Variants in GLRA2 observed in about 807,000 individuals in gnomAD.
GLRA2 encodes the protein glycine receptor subunit alpha-2.
A neutral mutation model predicts 31.6 loss-of-function variants in GLRA2; 11 were observed. The observed-to-expected ratio is 0.35, with a 90% CI of 0.22 to 0.58. GLRA2 has a LOEUF of 0.58. Among genes scored for constraint, GLRA2 ranks in the 20% least tolerant of loss-of-function variants. GLRA2 has a pLI of 0.84. For missense variants in GLRA2, 212 were observed against 351.8 expected (o/e 0.60, Z 3.18); for synonymous variants, 132 against 134.0 (o/e 0.99, Z 0.10).
chrX:14,531,925 T>C (rs1029308197), intron 1 of GLRA2, among the ~76,000 whole-genome samples: 1 of 111,751 alleles, frequency 8.9e-6, no homozygotes, highest in African/African-American at 3.2e-5. Context: ...ATCTCATTTC[T>C]CTGAATAGTT....
chrX:14,619,847 C>A (rs1340172629), intron 7 of GLRA2, among the ~76,000 whole-genome samples: 1 of 110,890 alleles, frequency 9.0e-6, no homozygotes, highest in East Asian at 2.8e-4. Context: ...CCTTCAATAG[C>A]ATCTAGCTCA....
intron 8 of GLRA2, among the ~76,000 whole-genome samples, chrX:14,715,429 G>T (rs1378134708): frequency 4.5e-5 from 5 of 112,103 alleles, no homozygotes; most frequent in Non-Finnish European, 9.4e-5. Context: ...AATGTAGGAA[G>T]ATTCAGCCAA....
At chrX:14,687,136 C>G (rs770906121) in intron 7 of GLRA2, among the ~76,000 whole-genome samples, 1 of 112,327 alleles carries the variant, frequency 8.9e-6, no homozygotes, top group South Asian at 3.7e-4. Context: ...TTTTTCCCCA[C>G]TCTCTTCTGG....
intron 7 of GLRA2, among the ~76,000 whole-genome samples, chrX:14,647,494 T>A (rs1013017102): frequency 1.9e-4 from 21 of 111,061 alleles, no homozygotes; most frequent in African/African-American, 6.5e-4. Context: ...AGTCTGTGTA[T>A]ACATAAGGCT....
chrX:14,669,871 C>T (rs1023814371), intron 7 of GLRA2, among the ~76,000 whole-genome samples: 2 of 112,458 alleles, frequency 1.8e-5, no homozygotes, highest in Non-Finnish European at 3.8e-5. Flanking sequence ...TTTGGCCCCT[C>T]GACTTATGCA....
chrX:14,464,634 G>A, the GLRA2 span, among the ~76,000 whole-genome samples: 3 of 111,847 alleles, frequency 2.7e-5, no homozygotes, highest in African/African-American at 9.8e-5. Context: ...TCGGCTCACT[G>A]CAACCTCCGC....
intron 5 of GLRA2, 146 bp downstream of exon 5, chrX:14,604,543 AGTGTGTGTGTGTGTGTGT>A (rs377121617): frequency 1.7e-4 from 27 of 161,431 alleles, no homozygotes; most frequent in African/African-American, 2.8e-4. Context: ...GACAAACCAA[AGTGTGTGTGTGTGTGTGT>A]GTGTGTGTGT....
intron 7 of GLRA2, among the ~76,000 whole-genome samples, chrX:14,675,692 C>T (rs2091137952): frequency 9.0e-6 from 1 of 111,549 alleles, no homozygotes; most frequent in African/African-American, 3.3e-5. Flanking sequence ...ATCTGATTTC[C>T]CCAGCATTAA....
At chrX:14,457,181 G>C in the GLRA2 span, among the ~76,000 whole-genome samples, 1 of 110,856 alleles carries the variant, frequency 9.0e-6, no homozygotes, top group Non-Finnish European at 1.9e-5. Flanking sequence ...TTTGAAAAAT[G>C]TCTGTTAAGA....
intron 8 of GLRA2, among the ~76,000 whole-genome samples, chrX:14,701,385 G>T (rs1338161307): frequency 9.0e-6 from 1 of 111,070 alleles, no homozygotes; most frequent in South Asian, 3.8e-4. Flanking sequence ...GCAACCCCTG[G>T]TTCAAAAACA....
chrX:14,499,099 T>C, the GLRA2 span, among the ~76,000 whole-genome samples: 1 of 112,224 alleles, frequency 8.9e-6, no homozygotes, highest in Non-Finnish European at 1.9e-5. Flanking sequence ...CTTTGATACA[T>C]TGATTTCCTT....
the GLRA2 span, among the ~76,000 whole-genome samples, chrX:14,498,676 C>T: frequency 1.2e-3 from 132 of 110,492 alleles, no homozygotes; most frequent in African/African-American, 4.3e-3. Context: ...AAACTATAGC[C>T]GCCCTACTGA....
intron 8 of GLRA2, among the ~76,000 whole-genome samples, chrX:14,701,119 G>A (rs1438257698): frequency 1.8e-5 from 2 of 110,885 alleles, no homozygotes; most frequent in African/African-American, 6.6e-5. Flanking sequence ...AGAATAAAGA[G>A]GGAGGTGACA....
chrX:14,532,570 T>C lies in GLRA2; in HGVS notation c.202+198T>C, dbSNP rs1040362094. ...CACTTCCCACATTTGAAAACTTTCC[T>C]TGTTTGTGTTCTATTTCACAAATAA... On this transcript the variant is annotated intron_variant, in intron 2 of 8. Transcript: ENST00000218075. Among the ~76,000 whole-genome samples, 20 of 112,182 alleles carry C rather than the reference T, an allele frequency of 1.8e-4. 1 individual carries two copies. The Admixed American group carries it at 1.9e-3, about 11-fold the overall frequency.
Position 14,597,460 on chromosome X carries a change from G to A in GLRA2, c.495-6855G>A, listed in dbSNP as rs750020876. 2.7e-4 allele frequency among the ~76,000 whole-genome samples: 30 copies of A among 112,021 alleles called. No homozygotes were observed. The East Asian group carries it at 5.1e-3, about 19-fold the overall frequency. On this transcript the variant is annotated intron_variant, in intron 4 of 8. Transcript: ENST00000218075. ...TCACAGAGATGTTGAGCAGGATGGGGATGTTTGCTGGGGGAGGCCCAGAGA... is the reference window on the plus strand; with the variant it reads ...TCACAGAGATGTTGAGCAGGATGGGAATGTTTGCTGGGGGAGGCCCAGAGA...
At chrX:14,550,161 G>C (rs1413853045) in intron 2 of GLRA2, among the ~76,000 whole-genome samples, 1 of 109,993 alleles carries the variant, frequency 9.1e-6, no homozygotes, top group African/African-American at 3.3e-5. Context: ...ATTTGAGAAA[G>C]TGGGGAAAAG....
At chrX:14,588,456 C>A (rs1476340472) in intron 4 of GLRA2, among the ~76,000 whole-genome samples, 1 of 111,307 alleles carries the variant, frequency 9.0e-6, no homozygotes, top group Non-Finnish European at 1.9e-5. Context: ...GTTTTTGTAC[C>A]AGTACCATGT....
intron 2 of GLRA2, among the ~76,000 whole-genome samples, chrX:14,559,358 G>A (rs377568235): frequency 2.8e-5 from 3 of 108,838 alleles, no homozygotes; most frequent in Admixed American, 2.0e-4. Flanking sequence ...CATAATTTAC[G>A]GTGAATTTTC....
chrX:14,503,859 T>G, the GLRA2 span, among the ~76,000 whole-genome samples: 18 of 111,937 alleles, frequency 1.6e-4, no homozygotes, highest in Admixed American at 1.9e-4. Flanking sequence ...TAAATTTAAA[T>G]TATTTTTTTA....
Sources: allele counts gnomAD v4.1 joint callset (sites outside exome capture counted in the v4.1 genomes callset), GRCh38; gene constraint gnomAD v4.1.1; transcripts MANE v1.5; gene names NCBI Gene and HGNC (gene_info 2026-07-23, HGNC 2026-07-21).